Variants in EXOC4 observed in about 807,000 individuals in gnomAD.
EXOC4 encodes SEC8-like 1.
Under a neutral mutation model 107.2 loss-of-function variants are expected in EXOC4, and 71 were observed. The observed-to-expected ratio is 0.66, with a 90% CI of 0.55 to 0.81. The LOEUF (loss-of-function observed/expected upper bound fraction) is 0.81, where lower values mean the gene tolerates loss of function less well. Ranked by LOEUF, EXOC4 falls within the 30% of genes least tolerant of loss-of-function variation. The pLI is 0.00. For synonymous variants in EXOC4, 456 were observed against 441.2 expected (o/e 1.03, Z -0.42); for missense variants, 1,108 against 1,189.6 (o/e 0.93, Z 1.01).
the EXOC4 span, among the ~76,000 whole-genome samples, chr7:134,099,658 G>A: frequency 1.3e-5 from 2 of 149,020 alleles, no homozygotes; most frequent in African/African-American, 4.9e-5. Context: ...AGCCTCCCAT[G>A]TAGCTGGGAC....
chr7:134,038,458 G>A (rs1795442933), intron 17 of EXOC4, among the ~76,000 whole-genome samples: 1 of 152,168 alleles, frequency 6.6e-6, no homozygotes, highest in Non-Finnish European at 1.5e-5. Flanking sequence ...TTCAGGGATT[G>A]TTGGACTCTC....
At chr7:133,793,420 G>A (rs1247473574) in intron 10 of EXOC4, among the ~76,000 whole-genome samples, 1 of 152,176 alleles carries the variant, frequency 6.6e-6, no homozygotes, top group African/African-American at 2.4e-5. Context: ...CCACGGTGAG[G>A]ATCTTGATTT....
At chr7:133,391,398 G>A (rs1298886174) in intron 7 of EXOC4, among the ~76,000 whole-genome samples, 1 of 152,226 alleles carries the variant, frequency 6.6e-6, no homozygotes. Flanking sequence ...TTTTGGCTGT[G>A]CTGCACAAAA....
intron 9 of EXOC4, chr7:133,484,174 A>G: frequency 1.3e-6 from 2 of 1,579,100 alleles, no homozygotes; most frequent in South Asian, 2.3e-5. Flanking sequence ...AACAACACCC[A>G]AGAGGATAAA....
intron 9 of EXOC4, among the ~76,000 whole-genome samples, chr7:133,568,393 A>G (rs1800951922): frequency 6.6e-6 from 1 of 152,152 alleles, no homozygotes; most frequent in African/African-American, 2.4e-5. Context: ...TCTTCGATGG[A>G]TTCTACATTT....
chr7:133,428,409 A>G (rs1056722728), intron 7 of EXOC4, among the ~76,000 whole-genome samples: 1 of 152,226 alleles, frequency 6.6e-6, no homozygotes, highest in African/African-American at 2.4e-5. Context: ...TTGTTATTCC[A>G]GTAGCCATAA....
intron 7 of EXOC4, among the ~76,000 whole-genome samples, chr7:133,391,593 A>G (rs954661682): frequency 1.3e-5 from 2 of 152,204 alleles, no homozygotes; most frequent in Non-Finnish European, 2.9e-5. Context: ...TAGAAGTGGC[A>G]TGTTTAGGAA....
chr7:133,716,324 G>A (rs907771885), intron 10 of EXOC4, among the ~76,000 whole-genome samples: 2 of 152,170 alleles, frequency 1.3e-5, no homozygotes, highest in Non-Finnish European at 2.9e-5. Context: ...AAATGTAAGG[G>A]CTTGTTATAG....
intron 15 of EXOC4, among the ~76,000 whole-genome samples, chr7:134,003,019 T>C (rs1158104569): frequency 6.6e-6 from 1 of 152,116 alleles, no homozygotes; most frequent in Non-Finnish European, 1.5e-5. Context: ...CACACAAAAA[T>C]GTGTACATGA....
intron 14 of EXOC4, among the ~76,000 whole-genome samples, chr7:133,990,999 CA>C (rs1324215926): frequency 6.6e-6 from 1 of 152,130 alleles, no homozygotes; most frequent in African/African-American, 2.4e-5. Flanking sequence ...GAGGAAACTG[CA>C]TGCTGTTTTC....
chr7:133,400,419 G>C (rs1797063794), intron 7 of EXOC4, among the ~76,000 whole-genome samples: 1 of 152,156 alleles, frequency 6.6e-6, no homozygotes, highest in Admixed American at 6.5e-5. Context: ...TAGTTAATCT[G>C]GGGGACAACC....
chr7:133,359,563 T>TC (rs1391723772), intron 6 of EXOC4, among the ~76,000 whole-genome samples: 1 of 152,094 alleles, frequency 6.6e-6, no homozygotes, highest in Admixed American at 6.6e-5. Context: ...GAAAATTTTC[T>TC]CCCCCACCCT....
chr7:133,364,907 C>G (rs905339832), intron 6 of EXOC4, among the ~76,000 whole-genome samples: 27 of 152,120 alleles, frequency 1.8e-4, no homozygotes, highest in African/African-American at 6.5e-4. Flanking sequence ...TAGAAGTAGT[C>G]TTTTTCCACC....
chr7:133,357,732 AATT>A (rs1796053309), intron 6 of EXOC4, among the ~76,000 whole-genome samples: 1 of 152,188 alleles, frequency 6.6e-6, no homozygotes, highest in Non-Finnish European at 1.5e-5. Context: ...TTTTTGGAAA[AATT>A]AATACTGTAT....
intron 10 of EXOC4, among the ~76,000 whole-genome samples, chr7:133,736,526 C>G (rs545597646): frequency 2.0e-5 from 3 of 152,292 alleles, no homozygotes; most frequent in Admixed American, 6.5e-5. Flanking sequence ...ATAATACCTC[C>G]TAAAGGTTAC....
chr7:133,464,803 TTG>T (rs1446523257), intron 7 of EXOC4, among the ~76,000 whole-genome samples: 2,600 of 54,846 alleles, frequency 0.047, 341 homozygotes, highest in East Asian at 0.084. Flanking sequence ...TTTTTGTTGG[TTG>T]GGTTGGTTTT....
chr7:133,923,586 A>T (rs531787589), intron 13 of EXOC4, among the ~76,000 whole-genome samples: 7 of 152,220 alleles, frequency 4.6e-5, no homozygotes, highest in East Asian at 1.9e-4. Flanking sequence ...GTTCAAATCT[A>T]TTGCCCATTT....
intron 9 of EXOC4, among the ~76,000 whole-genome samples, chr7:133,586,517 TTGA>T (rs753780609): frequency 2.6e-5 from 4 of 152,184 alleles, no homozygotes; most frequent in African/African-American, 4.8e-5. Context: ...CAGTCTACCA[TTGA>T]TGGACATTTA....
Position 134,029,766 on chromosome 7 carries a change from C to T in EXOC4, c.2687+21931C>T, listed in dbSNP as rs368195977. On this transcript the variant is annotated intron_variant, in intron 17 of 17. Coordinates refer to ENST00000253861, the MANE Select transcript of EXOC4 (RefSeq NM_021807.4). ...AAACTCCTATTCTCAAGCAGTCCTC[C>T]AGTGTCAGCCTCCCAAAGGGTTGGG... 3.9e-5 allele frequency among the ~76,000 whole-genome samples: 6 copies of T among 152,264 alleles called. No homozygotes were observed. In the South Asian group the frequency reaches 6.2e-4, roughly 16 times the overall value.
Sources: gnomAD v4.1 joint callset for allele counts (sites outside exome capture counted in the v4.1 genomes callset) on GRCh38, gnomAD v4.1.1 for gene constraint, MANE v1.5 for transcripts, NCBI Gene and HGNC (gene_info 2026-07-23, HGNC 2026-07-21) for gene names.